Variants in MLX observed in about 807,000 individuals in gnomAD.
The protein encoded by MLX is MAX dimerization protein MLX.
Under a neutral mutation model 33.0 loss-of-function variants are expected in MLX, and 15 were observed. The observed-to-expected ratio is 0.45, with a 90% confidence interval of 0.30 to 0.70. The LOEUF is 0.70. Ranked by LOEUF, MLX falls within the 30% of genes least tolerant of loss-of-function variation. The pLI, the probability that MLX is intolerant of heterozygous loss-of-function variation, is 0.07. For missense variants in MLX, 285 were observed against 306.3 expected, an observed-to-expected ratio of 0.93 and a Z score of 0.52; for synonymous variants, 115 against 115.6, an observed-to-expected ratio of 0.99 and a Z score of 0.03.
chr17:42,572,977 TG>T lies in MLX; in HGVS notation c.*1377del. 6.2e-7 allele frequency: 1 copy of T among 1,614,200 alleles called. No homozygotes were observed. Among genetic ancestry groups the T allele is most frequent in the Non-Finnish European group, 8.5e-7 (1 of 1,180,034 alleles). ...CCTGACCGTGGGCCCCTCAGGGGTCTGGGAGTGTGACGTTGTAATCTTCATC... is the reference window on the plus strand; with the variant it reads ...CCTGACCGTGGGCCCCTCAGGGGTCTGGAGTGTGACGTTGTAATCTTCATC... On this transcript the variant is annotated 3_prime_UTR_variant, in exon 8 of 8. Transcript: ENST00000435881.
intron 2 of MLX, 142 bp from the exon 3 acceptor site, chr17:42,568,328 A>G: frequency 1.9e-6 from 1 of 517,176 alleles, no homozygotes; most frequent in Non-Finnish European, 3.5e-6. Context: ...GCGCCACTGC[A>G]CTCTAGCCTG....
At chr17:42,570,669 T>C (rs1181196476) in intron 7 of MLX, among the ~76,000 whole-genome samples, 1 of 152,222 alleles carries the variant, frequency 6.6e-6, no homozygotes, top group South Asian at 2.1e-4. Context: ...ACATTTTTTT[T>C]TTTGAGACGG....
At chr17:42,570,232 G>A (rs757498024) in intron 7 of MLX, 49 bp downstream of exon 7, 4 of 1,582,886 alleles carry the variant, frequency 2.5e-6, no homozygotes, top group Non-Finnish European at 1.7e-6. Flanking sequence ...CTACCATCAA[G>A]CAAAGTGGCC....
Position 42,573,099 on chromosome 17 carries a change from C to T in MLX, c.*1496C>T. 1 of 1,614,212 alleles carries T rather than the reference C, an allele frequency of 6.2e-7. No individual in the cohort carries two copies. Among genetic ancestry groups the T allele is most frequent in the Non-Finnish European group, 8.5e-7 (1 of 1,180,012 alleles). On this transcript the variant is annotated 3_prime_UTR_variant, in exon 8 of 8. Coordinates refer to ENST00000435881, the MANE Select transcript of MLX (RefSeq NM_198204.2). ...AGGGAAGCAAAGAAGGAAGAGAGCT[C>T]CACTTACAAAGAACTGCTTCTTGCT...
chr17:42,569,866 C>A, intron 6 of MLX, 116 bp from the exon 7 acceptor site: 2 of 1,002,794 alleles, frequency 2.0e-6, no homozygotes, highest in Non-Finnish European at 3.0e-6. Context: ...GATACTGAAC[C>A]CCACCCAGAA....
chr17:42,571,226 C>T (rs148750345), intron 7 of MLX, among the ~76,000 whole-genome samples: 1 of 151,588 alleles, frequency 6.6e-6, no homozygotes, highest in Non-Finnish European at 1.5e-5. Context: ...CAACTTCCAC[C>T]TCCTGGGTTC....
intron 2 of MLX, 106 bp from the exon 3 acceptor site, chr17:42,568,361 TAAA>T: frequency 1.5e-6 from 1 of 674,768 alleles, no homozygotes; most frequent in South Asian, 2.0e-5. Flanking sequence ...AGACTCTGTC[TAAA>T]AAAAAAATAA....
chr17:42,567,377 C>T (rs1233169822), intron 1 of MLX: 3 of 1,410,598 alleles, frequency 2.1e-6, no homozygotes, highest in South Asian at 1.6e-5. Context: ...GAACGGGGCA[C>T]TGGGGTGGAG....
intron 1 of MLX, 190 bp downstream of exon 1, chr17:42,567,356 G>A: frequency 2.1e-6 from 3 of 1,402,298 alleles, no homozygotes; most frequent in Middle Eastern, 2.5e-4. Context: ...GCGTGTGCGC[G>A]CGAGTCGGGG....
At chr17:42,569,729 C>A in intron 6 of MLX, 123 bp downstream of exon 6, 1 of 814,900 alleles carries the variant, frequency 1.2e-6, no homozygotes, top group Non-Finnish European at 2.1e-6. Flanking sequence ...CCTGAGCTAG[C>A]CAGTAGGACT....
chr17:42,567,528 TG>T, intron 1 of MLX, 90 bp from the exon 2 acceptor site: 1 of 1,592,356 alleles, frequency 6.3e-7, no homozygotes. Context: ...CTTCCCGGAA[TG>T]GGGGGCGCGC....
chr17:42,569,169 G>T, intron 4 of MLX, 35 bp from the exon 5 acceptor site: 1 of 1,593,156 alleles, frequency 6.3e-7, no homozygotes, highest in Non-Finnish European at 8.6e-7. Flanking sequence ...AATCTCTCAG[G>T]GTTAAAGAAC....
rs1260989720 is a variant in MLX, at chr17:42,568,519, T to A, written c.129T>A (p.Asn43Lys). ...AGGGGAGTGTAGTGTCCAGAGCTAA[T>A]AGCATCGGTTCCACCAGTGCCTCTT... ...TRKGSVVSRA[N>K]SIGSTSASSV... The change falls in exon 3 of 8, where the codon AAT becomes AAA. Residue 43 changes from asparagine (N) to lysine (K), a missense_variant. Transcript: ENST00000435881. 1 of 1,613,728 alleles carries A rather than the reference T, an allele frequency of 6.2e-7. No homozygotes were observed. The highest frequency in any genetic ancestry group is 2.2e-5 in the East Asian group (1 of 44,866).
At chr17:42,567,806 G>T in intron 2 of MLX, 151 bp downstream of exon 2, 1 of 953,404 alleles carries the variant, frequency 1.0e-6, no homozygotes, top group South Asian at 1.5e-5. Flanking sequence ...GACAAGGGCA[G>T]AAAACAACTG....
At position 42,567,176 on chromosome 17, in the gene MLX, G is replaced by C; in HGVS notation, c.42+10G>C. The C allele has an allele frequency of 3.9e-6, 5 of 1,293,024 alleles. No individual in the cohort carries two copies. Among genetic ancestry groups the C allele is most frequent in the Non-Finnish European group, 4.9e-6 (5 of 1,019,222 alleles). 80.1% of individuals were successfully genotyped at this position (1,293,024 alleles called of 1,614,324 possible). On this transcript the variant is annotated intron_variant, in intron 1 of 7. Transcript: ENST00000435881. ...GGACCCTTGGGTCAAGGCAAGCCCCGTGGGCGCGCACGCCGGCGAGGGGAG... is the reference window on the plus strand; with the variant it reads ...GGACCCTTGGGTCAAGGCAAGCCCCCTGGGCGCGCACGCCGGCGAGGGGAG...
intron 1 of MLX, 50 bp from the exon 2 acceptor site, chr17:42,567,569 C>T: frequency 6.2e-7 from 1 of 1,611,348 alleles, no homozygotes; most frequent in Non-Finnish European, 8.5e-7. Context: ...AGGGGCGCCT[C>T]CCCCTAGGGG....
chr17:42,572,152 G>A lies in MLX; in HGVS notation c.*549G>A. On this transcript the variant is annotated 3_prime_UTR_variant, in exon 8 of 8. Coordinates refer to ENST00000435881, the MANE Select transcript of MLX (RefSeq NM_198204.2). The stretch of plus-strand genomic sequence containing the variant: ...GGGCTGCCTGGTCAGTCCCAGGTGA[G>A]GCCAAGGGCTTTCTGGCCATCTCAG... 2.9e-6 allele frequency: 1 copy of A among 344,210 alleles called. No homozygotes were observed. 21.3% of individuals were successfully genotyped at this position (344,210 alleles called of 1,614,324 possible).
At chr17:42,571,129 T>C (rs1342533539) in intron 7 of MLX, among the ~76,000 whole-genome samples, 1 of 150,978 alleles carries the variant, frequency 6.6e-6, no homozygotes, top group East Asian at 1.9e-4. Context: ...CATCAGTACT[T>C]CCTGGGGGCT....
intron 2 of MLX, 163 bp downstream of exon 2, chr17:42,567,818 G>C: frequency 1.2e-6 from 1 of 826,438 alleles, no homozygotes; most frequent in Non-Finnish European, 1.9e-6. Context: ...AAACAACTGA[G>C]GGTGACACCT....
Sources: allele counts gnomAD v4.1 joint callset (sites outside exome capture counted in the v4.1 genomes callset), GRCh38; gene constraint gnomAD v4.1.1; transcripts MANE v1.5; gene names NCBI Gene and HGNC (gene_info 2026-07-23, HGNC 2026-07-21).